The following MALSU1 variants were observed in gnomAD, a reference collection of about 807,000 sequenced individuals.
The protein encoded by MALSU1 is mitochondrial assembly of ribosomal large subunit 1, also known as mitochondrial assembly of ribosomal large subunit protein 1.
Under a neutral mutation model 22.1 loss-of-function variants are expected in MALSU1, and 22 were observed. That is an observed-to-expected ratio of 1.00 (90% CI 0.71 to 1.42). The LOEUF (loss-of-function observed/expected upper bound fraction) is 1.42. Among genes scored for constraint, MALSU1 ranks in the 40% most tolerant of loss-of-function variants. The pLI is 0.00. For missense variants in MALSU1, 379 were observed against 308.3 expected, an observed-to-expected ratio of 1.23 and a Z score of -1.72; for synonymous variants, 153 against 118.5, an observed-to-expected ratio of 1.29 and a Z score of -1.89.
At position 23,299,582 on chromosome 7, in the gene MALSU1, A is replaced by G. The variant is rs757514681; in HGVS notation, c.230A>G (p.Glu77Gly). 2 of 1,598,160 alleles carry G rather than the reference A, an allele frequency of 1.3e-6. No individual in the cohort carries two copies. The highest frequency in any genetic ancestry group is 2.3e-5 in the South Asian group (2 of 88,842). ...GAGCGGGCGGAGGGGACGGTCAACG[A>G]GGGACGCCCAGAATCGGACGCGGCA... Reference protein sequence around the residue: ...LEERAEGTVNEGRPESDAADH... With the variant: ...LEERAEGTVNGGRPESDAADH... The change falls in exon 1 of 4, where the codon GAG becomes GGG. Residue 77 changes from glutamate (E) to glycine (G), a missense_variant. Transcript: ENST00000466681.
In MALSU1 at chr7:23,309,740, A is replaced by C; in HGVS notation, c.*197A>C. The C allele has an allele frequency of 2.7e-6, 1 of 374,906 alleles. No individual in the cohort carries two copies. 23.2% of individuals were successfully genotyped at this position (374,906 alleles called of 1,614,324 possible). ...CTGCAACCAAAAATCAGTACATTCT[A>C]CCCAAAACTTATGACACGCTGCCTT... On this transcript the variant is annotated 3_prime_UTR_variant, in exon 4 of 4. Coordinates refer to ENST00000466681, the MANE Select transcript of MALSU1 (RefSeq NM_138446.2).
intron 2 of MALSU1, 85 bp from the exon 3 acceptor site, chr7:23,307,775 AAAACAAAC>A (rs371557663): frequency 5.0e-6 from 4 of 803,048 alleles, no homozygotes; most frequent in Non-Finnish European, 8.3e-6. Context: ...AAGATTAAAA[AAAACAAAC>A]AAACAAACAA....
In MALSU1 at chr7:23,301,247, C is replaced by T. The variant is rs148084331; in HGVS notation, c.435+230C>T. On this transcript the variant is annotated intron_variant, in intron 2 of 3. Coordinates refer to ENST00000466681, the MANE Select transcript of MALSU1 (RefSeq NM_138446.2). ...ATATCAAAATCTTTTCTCTTGTGAC[C>T]GCAAGGAAGATTTTTTTTTTTTTTC... 284 of 381,660 alleles carry T rather than the reference C, an allele frequency of 7.4e-4. 2 individuals carry two copies. The highest frequency in any genetic ancestry group is 5.0e-3 in the African/African-American group (242 of 48,310). 23.6% of individuals were successfully genotyped at this position (381,660 alleles called of 1,614,324 possible). A position where few individuals can be genotyped will look rare whatever the true frequency, so the allele number is the denominator to read the frequency against.
rs1336380662 is a variant in MALSU1 at position 23,310,100 on chromosome 7, G to A, written c.*557G>A. 1 of 152,130 alleles carries A rather than the reference G, an allele frequency of 6.6e-6. No homozygotes were observed. Among genetic ancestry groups the A allele is most frequent in the South Asian group, 2.1e-4 (1 of 4,834 alleles). The allele number at this position is 152,130 out of a possible 1,614,324, so 9.4% of individuals were successfully genotyped here. A position where few individuals can be genotyped will look rare whatever the true frequency, so the allele number is the denominator to read the frequency against. Reference sequence around the variant, plus strand: ...AGAGTATTATCAAGGTTCACATTAAGTACCATGGCTGGACATGGTATAACA... The same window carrying A: ...AGAGTATTATCAAGGTTCACATTAAATACCATGGCTGGACATGGTATAACA... On this transcript the variant is annotated 3_prime_UTR_variant, in exon 4 of 4. Transcript: ENST00000466681.
chr7:23,308,458 CAT>C (rs1164641118), intron 3 of MALSU1, among the ~76,000 whole-genome samples: 1 of 152,178 alleles, frequency 6.6e-6, no homozygotes, highest in Non-Finnish European at 1.5e-5. Flanking sequence ...AAAGGGGAAA[CAT>C]AACTGTATGT....
At chr7:23,300,479 C>T (rs1210725863) in intron 1 of MALSU1, among the ~76,000 whole-genome samples, 1 of 152,150 alleles carries the variant, frequency 6.6e-6, no homozygotes, top group East Asian at 1.9e-4. Flanking sequence ...ATATCACCTC[C>T]TACCCATTTT....
intron 1 of MALSU1, 132 bp downstream of exon 1, chr7:23,299,740 G>A: frequency 9.2e-7 from 1 of 1,089,800 alleles, no homozygotes; most frequent in Non-Finnish European, 1.3e-6. Flanking sequence ...ATCCAGAGCT[G>A]GAAGGGACTT....
chr7:23,311,039 T>C lies in MALSU1; in HGVS notation c.*1496T>C, dbSNP rs1266757737. 1 of 152,204 alleles carries C rather than the reference T, an allele frequency of 6.6e-6. No homozygotes were observed. Among genetic ancestry groups the C allele is most frequent in the African/African-American group, 2.4e-5 (1 of 41,444 alleles). 9.4% of individuals were successfully genotyped at this position (152,204 alleles called of 1,614,324 possible). A position where few individuals can be genotyped will look rare whatever the true frequency, so the allele number is the denominator to read the frequency against. The stretch of plus-strand genomic sequence containing the variant: ...AACTTTTCTTGTATTCTCTATCTTT[T>C]GACTTTTTTTTCAAAGAACTGATTG... On this transcript the variant is annotated 3_prime_UTR_variant, in exon 4 of 4. Coordinates refer to ENST00000466681, the MANE Select transcript of MALSU1 (RefSeq NM_138446.2).
Position 23,307,954 on chromosome 7 carries a change from G to C in MALSU1, c.517+5G>C. On this transcript the variant is annotated splice_donor_5th_base_variant and intron_variant, in intron 3 of 3. Coordinates refer to ENST00000466681, the MANE Select transcript of MALSU1 (RefSeq NM_138446.2). ...ACTGGCTGTGCGTGGATTTTGGTAA[G>C]TTATTCTGGCGTATTTTACAGGTAA... 4 of 1,605,524 alleles carry C rather than the reference G, an allele frequency of 2.5e-6. No individual in the cohort carries two copies. The highest frequency in any genetic ancestry group is 3.4e-6 in the Non-Finnish European group (4 of 1,172,192).
At position 23,299,468 on chromosome 7, in the gene MALSU1, TGCA is replaced by T. The variant is rs763163599; in HGVS notation, c.119_121del (p.Gln40del). On this transcript the variant is annotated inframe_deletion, in exon 1 of 4. Coordinates refer to ENST00000466681, the MANE Select transcript of MALSU1 (RefSeq NM_138446.2). ...GAGCCCGGGCTTCGGCTGCTGGCCG[TGCA>T]GCGGCTTCCCGTAGGAGCAGCGTTC... is the stretch of plus-strand genomic sequence containing the variant. 3 of 1,609,308 alleles carry T rather than the reference TGCA, an allele frequency of 1.9e-6. No individual in the cohort carries two copies. In the African/African-American group the frequency reaches 4.0e-5, roughly 21 times the overall value.
intron 3 of MALSU1, 99 bp downstream of exon 3, chr7:23,308,048 A>G: frequency 1.1e-6 from 1 of 950,144 alleles, no homozygotes; most frequent in Non-Finnish European, 1.7e-6. Context: ...TGATGAATGT[A>G]TTTCCAGGTA....
rs569672330 is a variant in MALSU1 at position 23,309,338 on chromosome 7, C to CT, written c.518-16dup. 9 of 1,595,202 alleles carry CT rather than the reference C, an allele frequency of 5.6e-6. No individual in the cohort carries two copies. Among genetic ancestry groups the CT allele is most frequent in the Non-Finnish European group, 7.7e-6 (9 of 1,172,128 alleles). On this transcript the variant is annotated splice_polypyrimidine_tract_variant and intron_variant, in intron 3 of 3. Coordinates refer to ENST00000466681, the MANE Select transcript of MALSU1 (RefSeq NM_138446.2). ...AATGAACTATTCCTTCATTGTATCT[C>CT]TTATCTGTCCCTGACAGGCAGCATG...
Position 23,299,391 on chromosome 7 carries a change from A to C in MALSU1, c.39A>C (p.Pro13=), listed in dbSNP as rs772459502. 1 of 1,595,884 alleles carries C rather than the reference A, an allele frequency of 6.3e-7. No individual in the cohort carries two copies. Among genetic ancestry groups the C allele is most frequent in the South Asian group, 1.1e-5 (1 of 90,400 alleles). Residue 13 remains proline, a synonymous_variant, in exon 1 of 4, where the codon CCA becomes CCC. Coordinates refer to ENST00000466681, the MANE Select transcript of MALSU1 (RefSeq NM_138446.2). ...PGGRVARLLA[P]LMWRRAVSSV... is the part of the protein sequence containing the mutation. ...GCCGTGTGGCGCGGCTGCTCGCCCCACTAATGTGGCGCAGGGCGGTTTCCT... is the reference window on the plus strand; with the variant it reads ...GCCGTGTGGCGCGGCTGCTCGCCCCCCTAATGTGGCGCAGGGCGGTTTCCT...
At position 23,299,579 on chromosome 7, in the gene MALSU1, A is replaced by G; in HGVS notation, c.227A>G (p.Asn76Ser). Residue 76 changes from asparagine to serine, a missense_variant, in exon 1 of 4, where the codon AAC (asparagine) becomes AGC (serine). Coordinates refer to ENST00000466681, the MANE Select transcript of MALSU1 (RefSeq NM_138446.2). ...GAGGAGCGGGCGGAGGGGACGGTCA[A>G]CGAGGGACGCCCAGAATCGGACGCG... ...GLEERAEGTV[N>S]EGRPESDAAD... is the part of the protein sequence containing the mutation. 1 of 1,600,800 alleles carries G rather than the reference A, an allele frequency of 6.2e-7. No individual in the cohort carries two copies. Among genetic ancestry groups the G allele is most frequent in the Non-Finnish European group, 8.5e-7 (1 of 1,174,130 alleles).
chr7:23,299,725 T>A, intron 1 of MALSU1, 117 bp downstream of exon 1: 1 of 1,194,134 alleles, frequency 8.4e-7, no homozygotes, highest in Non-Finnish European at 1.1e-6. Flanking sequence ...ACAAAACTCC[T>A]GCACATCCAG....
chr7:23,309,158 C>T (rs1002910221), intron 3 of MALSU1, among the ~76,000 whole-genome samples, 198 bp from the exon 4 acceptor site: 10 of 152,158 alleles, frequency 6.6e-5, no homozygotes, highest in Admixed American at 5.2e-4. Context: ...TGACATATGC[C>T]TCCTGTAGGT....
In MALSU1 at chr7:23,299,424, G is replaced by C. The variant is rs1188596983; in HGVS notation, c.72G>C (p.Ala24=). ...GGCGCAGGGCGGTTTCCTCGGTGGC[G>C]GGGTCCGCGGTTGGAGCCGAGCCCG... ...LMWRRAVSSV[A]GSAVGAEPGL... The change falls in exon 1 of 4, where the codon GCG becomes GCC. Residue 24 remains alanine, a synonymous_variant. Coordinates refer to ENST00000466681, the MANE Select transcript of MALSU1 (RefSeq NM_138446.2). 4 of 1,602,388 alleles carry C rather than the reference G, an allele frequency of 2.5e-6. No individual in the cohort carries two copies. Among genetic ancestry groups the C allele is most frequent in the South Asian group, 2.2e-5 (2 of 90,664 alleles).
intron 1 of MALSU1, among the ~76,000 whole-genome samples, chr7:23,300,214 G>A (rs1402566869): frequency 6.6e-6 from 1 of 151,730 alleles, no homozygotes; most frequent in Non-Finnish European, 1.5e-5. Flanking sequence ...ATCTTTACGG[G>A]AAAAAAAATT....
In MALSU1 at chr7:23,309,411, G is replaced by T; in HGVS notation, c.573G>T (p.Glu191Asp). The T allele has an allele frequency of 6.2e-7, 1 of 1,613,384 alleles. No homozygotes were observed. The highest frequency in any genetic ancestry group is 1.1e-5 in the South Asian group (1 of 90,988). The change falls in exon 4 of 4, where the codon GAG becomes GAT. Residue 191 changes from glutamate (E) to aspartate (D), a missense_variant. Coordinates refer to ENST00000466681, the MANE Select transcript of MALSU1 (RefSeq NM_138446.2). ...LPETREIYEL[E>D]KLWTLRSYDD... ...AAACCAGAGAAATCTATGAATTAGAGAAATTATGGACCCTACGTTCTTATG... is the reference window on the plus strand; with the variant it reads ...AAACCAGAGAAATCTATGAATTAGATAAATTATGGACCCTACGTTCTTATG...
Sources: allele counts gnomAD v4.1 joint callset (sites outside exome capture counted in the v4.1 genomes callset), GRCh38; gene constraint gnomAD v4.1.1; transcripts MANE v1.5; gene names NCBI Gene and HGNC (gene_info 2026-07-23, HGNC 2026-07-21).